CYSTM1: variants seen among roughly 807,000 people sequenced by gnomAD.
CYSTM1 encodes cysteine-rich transmembrane module-containing protein 1.
In CYSTM1, 4 loss-of-function variants were observed where a neutral mutation model predicts 13.1. The ratio of observed to expected loss-of-function variants is 0.31; its 90% confidence interval spans 0.15 to 0.70. The LOEUF is 0.70. Ranked by LOEUF, CYSTM1 falls within the 30% of genes least tolerant of loss-of-function variation. The probability of loss-of-function intolerance (pLI) is 0.72; values close to 1 mark genes in which losing one functional copy is unlikely to be tolerated. For missense variants in CYSTM1, 96 were observed against 121.6 expected (o/e 0.79, Z 0.99); for synonymous variants, 36 against 42.7 (o/e 0.84, Z 0.62).
intron 1 of CYSTM1, among the ~76,000 whole-genome samples, chr5:140,186,707 G>T (rs1256373175): frequency 6.6e-6 from 1 of 152,188 alleles, no homozygotes; most frequent in East Asian, 1.9e-4. Flanking sequence ...GTAGTACTGG[G>T]TTATAGTTGA....
intron 2 of CYSTM1, among the ~76,000 whole-genome samples, chr5:140,221,919 C>T (rs910542207): frequency 3.9e-5 from 6 of 152,128 alleles, no homozygotes; most frequent in African/African-American, 1.4e-4. Context: ...TTGATATATC[C>T]CCGATATATC....
intron 2 of CYSTM1, among the ~76,000 whole-genome samples, chr5:140,212,983 GTATATATATATA>G (rs150669111): frequency 8.7e-5 from 10 of 114,294 alleles, no homozygotes; most frequent in Non-Finnish European, 1.6e-4. Context: ...CAAAACAAAA[GTATATATATATA>G]TATATATATA....
At chr5:140,207,393 C>A (rs1489987956) in intron 2 of CYSTM1, among the ~76,000 whole-genome samples, 1 of 152,152 alleles carries the variant, frequency 6.6e-6, no homozygotes, top group African/African-American at 2.4e-5. Flanking sequence ...AGGGAAACTA[C>A]CCCTCCTTAC....
intron 2 of CYSTM1, chr5:140,228,584 T>C (rs532836937): frequency 3.8e-4 from 149 of 394,632 alleles, no homozygotes; most frequent in African/African-American, 2.8e-3. Flanking sequence ...CCAGATCAGC[T>C]TGGCCCCTGC....
intron 2 of CYSTM1, among the ~76,000 whole-genome samples, chr5:140,221,114 G>A (rs571058899): frequency 2.0e-5 from 3 of 152,266 alleles, no homozygotes; most frequent in South Asian, 4.1e-4. Flanking sequence ...CGAGGTTACC[G>A]TGAGCTATGA....
In CYSTM1 at chr5:140,204,622, G is replaced by A. The variant is rs73254761; in HGVS notation, c.187+9970G>A. Among the ~76,000 whole-genome samples the A allele has an allele frequency of 9.5e-3, 1,443 of 152,086 alleles. 17 individuals carry two copies. The highest frequency in any genetic ancestry group is 0.031 in the African/African-American group (1,265 of 41,472). On this transcript the variant is annotated intron_variant, in intron 2 of 2. Coordinates refer to ENST00000261811, the MANE Select transcript of CYSTM1 (RefSeq NM_032412.4). ...CAGAGGTAAAGTGGAGTGCAATAAAGCTGGATTCAAATCTCATTAACACTA... is the reference window on the plus strand; with the variant it reads ...CAGAGGTAAAGTGGAGTGCAATAAAACTGGATTCAAATCTCATTAACACTA...
intron 2 of CYSTM1, among the ~76,000 whole-genome samples, chr5:140,211,750 C>T (rs1764370591): frequency 6.6e-6 from 1 of 152,174 alleles, no homozygotes; most frequent in East Asian, 1.9e-4. Context: ...AATTCAAGAC[C>T]AGCCTGGCCA....
At chr5:140,225,176 T>C (rs896343515) in intron 2 of CYSTM1, among the ~76,000 whole-genome samples, 13 of 152,130 alleles carry the variant, frequency 8.5e-5, no homozygotes, top group African/African-American at 3.1e-4. Context: ...AGCAAGACCC[T>C]CTCTCTAAAA....
rs141651830 is a variant in CYSTM1, at chr5:140,219,345, C to A, written c.188-23960C>A. The stretch of plus-strand genomic sequence containing the variant: ...CATAGCCCAGGCACCCTGCACAGTT[C>A]TTTGCAAATCTACAAGGAATGGCCT... On this transcript the variant is annotated intron_variant, in intron 2 of 2. Transcript: ENST00000261811. The surrounding 1 kb of genome is among the most constrained non-coding windows in gnomAD (Gnocchi z 4.1). Among the ~76,000 whole-genome samples the A allele has an allele frequency of 1.3e-5, 2 of 152,228 alleles. No individual in the cohort carries two copies. The highest frequency in any genetic ancestry group is 2.9e-5 in the Non-Finnish European group (2 of 68,014).
chr5:140,200,178 G>A (rs1258102911), intron 2 of CYSTM1: 1 of 152,210 alleles, frequency 6.6e-6, no homozygotes, highest in Non-Finnish European at 1.5e-5. Flanking sequence ...TGGTGTTTTA[G>A]CCATGAAGTC....
intron 2 of CYSTM1, among the ~76,000 whole-genome samples, chr5:140,221,911 G>T: frequency 6.6e-6 from 1 of 152,166 alleles, no homozygotes; most frequent in East Asian, 1.9e-4. Flanking sequence ...ATTCCAGTTT[G>T]ATATATCCCC....
intron 2 of CYSTM1, among the ~76,000 whole-genome samples, chr5:140,209,447 T>G (rs940005375): frequency 1.3e-5 from 2 of 150,914 alleles, no homozygotes; most frequent in Non-Finnish European, 3.0e-5. Context: ...TTTTTTTTTT[T>G]GAGATGGAGT....
intron 1 of CYSTM1, among the ~76,000 whole-genome samples, chr5:140,181,058 A>G (rs1330875389): frequency 6.6e-6 from 1 of 152,220 alleles, no homozygotes; most frequent in Non-Finnish European, 1.5e-5. Context: ...TTGAACTACA[A>G]AGACATTTGG....
intron 1 of CYSTM1, among the ~76,000 whole-genome samples, chr5:140,193,347 G>A (rs753606597): frequency 6.6e-6 from 1 of 152,082 alleles, no homozygotes; most frequent in Non-Finnish European, 1.5e-5. Flanking sequence ...GCAGTGGCAC[G>A]ATCTCAGCTC....
intron 2 of CYSTM1, among the ~76,000 whole-genome samples, chr5:140,203,629 T>A (rs1243395201): frequency 1.3e-5 from 2 of 152,234 alleles, no homozygotes; most frequent in Non-Finnish European, 2.9e-5. Context: ...ATCATAACTG[T>A]TTAAAGTGAA....
intron 2 of CYSTM1, among the ~76,000 whole-genome samples, chr5:140,234,912 G>T (rs1018353123): frequency 3.3e-5 from 5 of 151,962 alleles, no homozygotes; most frequent in South Asian, 2.1e-4. Flanking sequence ...GCATGATTAG[G>T]TTTTTTCTCT....
rs181899711 is a variant in CYSTM1, at chr5:140,224,977, T to C, written c.188-18328T>C. Reference sequence around the variant, plus strand: ...AGGAGGATGGCTTGAGGCCAGGAGTTGAAGACCAGCATGGACAACATAGCA... The same window carrying C: ...AGGAGGATGGCTTGAGGCCAGGAGTCGAAGACCAGCATGGACAACATAGCA... On this transcript the variant is annotated intron_variant, in intron 2 of 2. Transcript: ENST00000261811. Among the ~76,000 whole-genome samples the C allele has an allele frequency of 1.4e-4, 21 of 152,296 alleles. No individual in the cohort carries two copies. In the East Asian group the frequency reaches 4.0e-3, roughly 29 times the overall value.
intron 2 of CYSTM1, chr5:140,228,951 T>C (rs1359930417): frequency 2.5e-6 from 1 of 396,428 alleles, no homozygotes; most frequent in Non-Finnish European, 4.4e-6. Flanking sequence ...TCACAGATTT[T>C]TAAATTTTAG....
At chr5:140,238,810 C>G (rs1764714142) in intron 2 of CYSTM1, among the ~76,000 whole-genome samples, 1 of 152,232 alleles carries the variant, frequency 6.6e-6, no homozygotes, top group Admixed American at 6.5e-5. Context: ...GCTGGTTGGC[C>G]TCCTTCTGTC....
Sources: gnomAD v4.1 joint callset for allele counts (sites outside exome capture counted in the v4.1 genomes callset) on GRCh38, gnomAD v4.1.1 for gene constraint, Gnocchi (gnomAD v3.1) non-coding constraint, MANE v1.5 for transcripts, NCBI Gene and HGNC (gene_info 2026-07-23, HGNC 2026-07-21) for gene names.